AP2A2: variants seen among roughly 807,000 people sequenced by gnomAD.
The protein encoded by AP2A2 is AP-2 complex subunit alpha-2.
A neutral mutation model predicts 104.2 loss-of-function variants in AP2A2; 32 were observed. The ratio of observed to expected loss-of-function variants is 0.31; its 90% CI spans 0.23 to 0.41. The LOEUF (loss-of-function observed/expected upper bound fraction) is 0.41. Among genes scored for constraint, AP2A2 ranks in the 10% least tolerant of loss-of-function variants. The pLI, the probability that AP2A2 is intolerant of heterozygous loss-of-function variation, is 1.00. For synonymous variants in AP2A2, 539 were observed against 533.3 expected (o/e 1.01, Z -0.15); for missense variants, 912 against 1,261.0 (o/e 0.72, Z 4.19).
At position 1,010,737 on chromosome 11, in the gene AP2A2, G is replaced by C. The variant is rs1359127383; in HGVS notation, c.*112G>C. On this transcript the variant is annotated 3_prime_UTR_variant, in exon 22 of 22. Transcript: ENST00000448903. The stretch of plus-strand genomic sequence containing the variant: ...CGTGTCCAGTGCCACAGCACAAGGC[G>C]CCTCCCCGCCCCGCCGCCCCACACC... The C allele has an allele frequency of 3.4e-6, 3 of 892,142 alleles. No individual in the cohort carries two copies. Among genetic ancestry groups the C allele is most frequent in the Non-Finnish European group, 5.4e-6 (3 of 552,528 alleles). 55.3% of individuals were successfully genotyped at this position (892,142 alleles called of 1,614,324 possible).
At position 992,341 on chromosome 11, in the gene AP2A2, G is replaced by A. The variant is rs1206938481; in HGVS notation, c.1270-162G>A. On this transcript the variant is annotated intron_variant, in intron 10 of 21. Transcript: ENST00000448903. The surrounding 1 kb of genome is among the most constrained non-coding windows in gnomAD (Gnocchi z 6.4). ...AGGGCATCTTAAACTTTCTGGGCTCGTGGGCTTTTTTGAGAATCGAGTTCA... is the reference window on the plus strand; with the variant it reads ...AGGGCATCTTAAACTTTCTGGGCTCATGGGCTTTTTTGAGAATCGAGTTCA... 7 of 723,006 alleles carry A rather than the reference G, an allele frequency of 9.7e-6. No individual in the cohort carries two copies. The highest frequency in any genetic ancestry group is 2.3e-5 in the Admixed American group (1 of 43,650). The allele number at this position is 723,006 out of a possible 1,614,324, so 44.8% of individuals were successfully genotyped here. A position where few individuals can be genotyped will look rare whatever the true frequency, so the allele number is the denominator to read the frequency against.
chr11:987,610 G>A (rs1027395005), intron 9 of AP2A2, among the ~76,000 whole-genome samples: 2 of 151,880 alleles, frequency 1.3e-5, no homozygotes, highest in African/African-American at 2.4e-5. Flanking sequence ...AGCCGAGATC[G>A]CGCCACTGCA....
intron 2 of AP2A2, among the ~76,000 whole-genome samples, chr11:964,522 A>G (rs1854546185): frequency 6.6e-6 from 1 of 152,140 alleles, no homozygotes. Flanking sequence ...CCTCAAAGGG[A>G]ATTAATTTGG....
chr11:1,008,833 T>A, intron 18 of AP2A2: 1 of 540,886 alleles, frequency 1.8e-6, no homozygotes, highest in Non-Finnish European at 3.3e-6. Flanking sequence ...TTGCACAGAC[T>A]TGGAGTTCTG....
chr11:986,747 C>T, intron 8 of AP2A2, 38 bp from the exon 9 acceptor site: 2 of 1,602,448 alleles, frequency 1.2e-6, no homozygotes, highest in Non-Finnish European at 1.7e-6. Context: ...GTTGCACTTG[C>T]TGAGGAAACC....
chr11:938,690 G>A (rs1347862144), intron 1 of AP2A2, among the ~76,000 whole-genome samples: 2 of 151,904 alleles, frequency 1.3e-5, no homozygotes, highest in Admixed American at 1.3e-4. Context: ...TAACCAGGAT[G>A]GTCTCCATCT....
chr11:936,687 C>A (rs1853469825), intron 1 of AP2A2, among the ~76,000 whole-genome samples: 1 of 152,176 alleles, frequency 6.6e-6, no homozygotes, highest in South Asian at 2.1e-4. Flanking sequence ...CACGCCTGGC[C>A]TGGTTTATTA....
At chr11:940,614 ATCTCG>A in intron 1 of AP2A2, 2 of 316,974 alleles carry the variant, frequency 6.3e-6, no homozygotes, top group Non-Finnish European at 6.2e-6. Flanking sequence ...GCTGTATTTT[ATCTCG>A]TCTGTGTAAA....
chr11:962,112 C>T (rs568109736), intron 2 of AP2A2, among the ~76,000 whole-genome samples: 20 of 152,378 alleles, frequency 1.3e-4, no homozygotes, highest in African/African-American at 4.3e-4. Context: ...GAAAGGGCTG[C>T]GCCCTGGCAC....
Position 999,383 on chromosome 11 carries a change from C to T in AP2A2, c.1957-1049C>T, listed in dbSNP as rs537974035. 2.0e-5 allele frequency among the ~76,000 whole-genome samples: 3 copies of T among 152,242 alleles called. No homozygotes were observed. The South Asian group carries it at 6.2e-4, about 32-fold the overall frequency. On this transcript the variant is annotated intron_variant, in intron 14 of 21. Coordinates refer to ENST00000448903, the MANE Select transcript of AP2A2 (RefSeq NM_012305.4). ...AAAAATTAACTGGGCGTGATGGCGG[C>T]CACCTGTAATCCCAGCTACTTGGGA...
Position 1,011,885 on chromosome 11 carries a change from C to A in AP2A2, c.*1260C>A. The A allele has an allele frequency of 5.1e-6, 1 of 195,022 alleles. No homozygotes were observed. The highest frequency in any genetic ancestry group is 1.1e-5 in the Non-Finnish European group (1 of 94,630). The allele number at this position is 195,022 out of a possible 1,614,324, so 12.1% of individuals were successfully genotyped here. On this transcript the variant is annotated 3_prime_UTR_variant, in exon 22 of 22. Transcript: ENST00000448903. ...CAGTGTGTGCACCCCACAATGTCTG[C>A]GGCTCTTCTTCCGGCGTGTCGGGCT... is the stretch of plus-strand genomic sequence containing the variant.
intron 1 of AP2A2, chr11:946,896 G>A (rs1294268310): frequency 1.3e-5 from 2 of 152,122 alleles, no homozygotes; most frequent in African/African-American, 4.8e-5. Context: ...GACACTAGGT[G>A]GTAGGATACG....
rs753040967 is a variant in AP2A2, at chr11:1,006,480, G to A, written c.2207-48G>A. On this transcript the variant is annotated intron_variant, in intron 16 of 21. Coordinates refer to ENST00000448903, the MANE Select transcript of AP2A2 (RefSeq NM_012305.4). ...TTGTTTTTCAGGGTAAATATTCAGGGTAAGTGTGAAATGGTGTGTGTGAAA... is the reference window on the plus strand; with the variant it reads ...TTGTTTTTCAGGGTAAATATTCAGGATAAGTGTGAAATGGTGTGTGTGAAA... The A allele has an allele frequency of 1.0e-5, 13 of 1,303,636 alleles. No individual in the cohort carries two copies. The Admixed American group carries it at 1.1e-4, about 11-fold the overall frequency. 80.8% of individuals were successfully genotyped at this position (1,303,636 alleles called of 1,614,324 possible).
intron 6 of AP2A2, among the ~76,000 whole-genome samples, chr11:983,639 T>A (rs759450826): frequency 3.3e-5 from 5 of 152,108 alleles, no homozygotes; most frequent in African/African-American, 9.7e-5. Flanking sequence ...CGCCTTGGCC[T>A]CTCAAAGTGC....
intron 9 of AP2A2, among the ~76,000 whole-genome samples, chr11:987,508 C>T (rs564757579): frequency 9.2e-5 from 14 of 152,130 alleles, no homozygotes; most frequent in South Asian, 2.1e-4. Flanking sequence ...AAAAATTAGC[C>T]GGGCGTGGTG....
Position 984,746 on chromosome 11 carries a change from A to AC in AP2A2, c.812dup (p.Asp272ArgfsTer10). On this transcript the variant is annotated frameshift_variant, in exon 7 of 22. Transcript: ENST00000448903. LOFTEE classifies it high-confidence loss of function. ...TGCTGAGACTGCTGCAGTGCTACCCACCCCCAGGTAACGCGCAGGCCGCGG... is the reference window on the plus strand; with the variant it reads ...TGCTGAGACTGCTGCAGTGCTACCCACCCCCCAGGTAACGCGCAGGCCGCGG... 1 of 1,609,334 alleles carries AC rather than the reference A, an allele frequency of 6.2e-7. No homozygotes were observed. The highest frequency in any genetic ancestry group is 8.5e-7 in the Non-Finnish European group (1 of 1,177,150).
chr11:977,684 T>G (rs1855096245), intron 5 of AP2A2, among the ~76,000 whole-genome samples: 1 of 151,184 alleles, frequency 6.6e-6, no homozygotes, highest in African/African-American at 2.4e-5. Flanking sequence ...GAGAGGCACG[T>G]GTGGGGGAGG....
At chr11:1,009,466 C>T (rs1441176027) in intron 20 of AP2A2, 69 bp downstream of exon 20, 38 of 1,494,934 alleles carry the variant, frequency 2.5e-5, no homozygotes, top group African/African-American at 1.1e-4. Context: ...TCTGGAGGGA[C>T]GGCCCCGGGG....
chr11:959,346 T>G, intron 1 of AP2A2, 91 bp from the exon 2 acceptor site: 1 of 880,764 alleles, frequency 1.1e-6, no homozygotes. Flanking sequence ...CCTCATCCCA[T>G]TCGTGAGTTC....
Sources: gnomAD v4.1 joint callset for allele counts (sites outside exome capture counted in the v4.1 genomes callset) on GRCh38, gnomAD v4.1.1 for gene constraint, Gnocchi (gnomAD v3.1) non-coding constraint, MANE v1.5 for transcripts, NCBI Gene and HGNC (gene_info 2026-07-23, HGNC 2026-07-21) for gene names.